Variants in IL17A observed in about 807,000 individuals in gnomAD.
The protein encoded by IL17A is interleukin-17A.
A neutral mutation model predicts 7.2 loss-of-function variants in IL17A; 1 was observed. The observed-to-expected ratio is 0.14, with a 90% CI of 0.05 to 0.66. The LOEUF is 0.66. IL17A is among the 30% of genes least tolerant of loss of function. IL17A has a pLI of 0.84. For synonymous variants in IL17A, 90 were observed against 77.7 expected (o/e 1.16, Z -0.83); for missense variants, 191 against 197.1 (o/e 0.97, Z 0.18).
chr6:52,187,083 C>T (rs114614261), intron 1 of IL17A, among the ~76,000 whole-genome samples: 2,457 of 152,204 alleles, frequency 0.016, 58 homozygotes, highest in African/African-American at 0.056. Flanking sequence ...TAGTTGGATG[C>T]CTGCCAGTAG....
chr6:52,186,502 A>AG, intron 1 of IL17A, 44 bp downstream of exon 1: 1 of 1,604,970 alleles, frequency 6.2e-7, no homozygotes, highest in Non-Finnish European at 8.5e-7. Context: ...GATTTGGACC[A>AG]GATAGTATTT....
chr6:52,186,676 G>GCTAT (rs1231794714), intron 1 of IL17A, among the ~76,000 whole-genome samples: 1 of 152,230 alleles, frequency 6.6e-6, no homozygotes, highest in Non-Finnish European at 1.5e-5. Context: ...CTGAAAGATA[G>GCTAT]CTATATTGGG....
chr6:52,189,571 C>T lies in IL17A; in HGVS notation c.*279C>T, dbSNP rs1054314888. The T allele has an allele frequency of 9.7e-6, 3 of 310,250 alleles. No individual in the cohort carries two copies. Among genetic ancestry groups the T allele is most frequent in the East Asian group, 5.7e-5 (1 of 17,628 alleles). The allele number at this position is 310,250 out of a possible 1,614,324, so 19.2% of individuals were successfully genotyped here. ...TTAAGTTATTTATGTATTTAATATG[C>T]CCTGAGATAACTTTGGGGTATAAGA... On this transcript the variant is annotated 3_prime_UTR_variant, in exon 3 of 3. Coordinates refer to ENST00000648244, the MANE Select transcript of IL17A (RefSeq NM_002190.3).
At chr6:52,187,171 C>T (rs1234813033) in intron 1 of IL17A, among the ~76,000 whole-genome samples, 1 of 152,172 alleles carries the variant, frequency 6.6e-6, no homozygotes, top group East Asian at 1.9e-4. Flanking sequence ...GAATGTTTGA[C>T]TTCACGATGA....
chr6:52,187,504 C>A, intron 1 of IL17A, 99 bp from the exon 2 acceptor site: 1 of 944,372 alleles, frequency 1.1e-6, no homozygotes. Flanking sequence ...TGTGTGTTCT[C>A]TATGATTAGC....
Position 52,189,905 on chromosome 6 carries a change from CA to C in IL17A, c.*614del, listed in dbSNP as rs1763349138. The C allele has an allele frequency of 6.6e-6, 1 of 152,124 alleles. No homozygotes were observed. The highest frequency in any genetic ancestry group is 1.5e-5 in the Non-Finnish European group (1 of 68,012). The allele number at this position is 152,124 out of a possible 1,614,324, so 9.4% of individuals were successfully genotyped here. A position where few individuals can be genotyped will look rare whatever the true frequency, so the allele number is the denominator to read the frequency against. On this transcript the variant is annotated 3_prime_UTR_variant, in exon 3 of 3. Transcript: ENST00000648244. Reference sequence around the variant, plus strand: ...TGAAAAGAAAGATTAAACCTACTTTCATATGTATTAATTTAAATTTTGCAAT... The same window carrying C: ...TGAAAAGAAAGATTAAACCTACTTTCTATGTATTAATTTAAATTTTGCAAT...
intron 1 of IL17A, among the ~76,000 whole-genome samples, chr6:52,187,217 G>A (rs979095463): frequency 1.3e-5 from 2 of 152,166 alleles, no homozygotes; most frequent in East Asian, 1.9e-4. Flanking sequence ...CAATGGTGCA[G>A]GAGGATATTT....
rs527428699 is a variant in IL17A, at chr6:52,187,393, T to A, written c.28-210T>A. On this transcript the variant is annotated intron_variant, in intron 1 of 2. Coordinates refer to ENST00000648244, the MANE Select transcript of IL17A (RefSeq NM_002190.3). Reference sequence around the variant, plus strand: ...AGGAGAATGTTGAAACTAGTTTTTTTAAAAAAATTTTAAAGCCATGGTGTT... The same window carrying A: ...AGGAGAATGTTGAAACTAGTTTTTTAAAAAAAATTTTAAAGCCATGGTGTT... 1.5e-4 allele frequency among the ~76,000 whole-genome samples: 23 copies of A among 152,256 alleles called. No homozygotes were observed. The East Asian group carries it at 1.5e-3, about 10-fold the overall frequency.
In IL17A at chr6:52,189,098, G is replaced by T. The variant is rs763243057; in HGVS notation, c.274G>T (p.Ala92Ser). The change falls in exon 3 of 3, where the codon GCA becomes TCA. Residue 92 changes from alanine to serine, a missense_variant. Physicochemically the swap from Ala to Ser is moderately conservative, Grantham distance 99. Coordinates refer to ENST00000648244, the MANE Select transcript of IL17A (RefSeq NM_002190.3). ...GAGATATCCCTCTGTGATCTGGGAGGCAAAGTGCCGCCACTTGGGCTGCAT... is the reference window on the plus strand; with the variant it reads ...GAGATATCCCTCTGTGATCTGGGAGTCAAAGTGCCGCCACTTGGGCTGCAT... ...PERYPSVIWEAKCRHLGCINA... is the reference protein window; with the variant it reads ...PERYPSVIWESKCRHLGCINA... 3.7e-5 allele frequency: 60 copies of T among 1,613,960 alleles called. No homozygotes were observed. The East Asian group carries it at 1.3e-3, about 35-fold the overall frequency.
Position 52,187,763 on chromosome 6 carries a change from C to A in IL17A, c.188C>A (p.Ser63Tyr), listed in dbSNP as rs2128261625. 1 of 1,614,108 alleles carries A rather than the reference C, an allele frequency of 6.2e-7. No individual in the cohort carries two copies. ...AATACCAATACCAATCCCAAAAGGT[C>A]CTCAGATTACTACAACCGATCCACC... ...NRNTNTNPKRSSDYYNRSTSP... is the reference protein window; with the variant it reads ...NRNTNTNPKRYSDYYNRSTSP... The change falls in exon 2 of 3, where the codon TCC (serine) becomes TAC (tyrosine). Residue 63 changes from serine (S) to tyrosine (Y), a missense_variant. Ser to Tyr is a moderately radical substitution (Grantham distance 144). Transcript: ENST00000648244.
chr6:52,187,671 A>C lies in IL17A; in HGVS notation c.96A>C (p.Gly32=). ...KAGITIPRNP[G]CPNSEDKNFP... ...GAATCACAATCCCACGAAATCCAGG[A>C]TGCCCAAATTCTGAGGACAAGAACT... The change falls in exon 2 of 3, where the codon GGA becomes GGC. Residue 32 remains glycine, a synonymous_variant. Coordinates refer to ENST00000648244, the MANE Select transcript of IL17A (RefSeq NM_002190.3). The C allele has an allele frequency of 6.2e-7, 1 of 1,614,164 alleles. No homozygotes were observed. The highest frequency in any genetic ancestry group is 1.7e-4 in the Middle Eastern group (1 of 6,060).
rs551793289 is a variant in IL17A at position 52,189,262 on chromosome 6, T to C, written c.438T>C (p.Cys146=). The C allele has an allele frequency of 6.2e-7, 1 of 1,614,108 alleles. No homozygotes were observed. Among genetic ancestry groups the C allele is most frequent in the South Asian group, 1.1e-5 (1 of 91,086 alleles). ...TACTGGTGTCCGTGGGCTGCACCTG[T>C]GTCACCCCGATTGTCCACCATGTGG... is the stretch of plus-strand genomic sequence containing the variant. The part of the protein sequence containing the change: ...EKILVSVGCT[C]VTPIVHHVA Residue 146 remains cysteine (C), a synonymous_variant, in exon 3 of 3, where the codon TGT becomes TGC. Transcript: ENST00000648244.
rs753018291 is a variant in IL17A at position 52,187,707 on chromosome 6, T to G, written c.132T>G (p.Thr44=). Residue 44 remains threonine, a synonymous_variant, in exon 2 of 3, where the codon ACT becomes ACG. Transcript: ENST00000648244. ...PNSEDKNFPR[T]VMVNLNIHNR... is the part of the protein sequence containing the mutation. ...CTGAGGACAAGAACTTCCCCCGGAC[T>G]GTGATGGTCAACCTGAACATCCATA... The G allele has an allele frequency of 1.2e-6, 2 of 1,613,998 alleles. No individual in the cohort carries two copies. The highest frequency in any genetic ancestry group is 1.1e-5 in the South Asian group (1 of 91,082).
In IL17A at chr6:52,190,387, T is replaced by G. The variant is rs1763358109; in HGVS notation, c.*1095T>G. 1 of 152,096 alleles carries G rather than the reference T, an allele frequency of 6.6e-6. No homozygotes were observed. Among genetic ancestry groups the G allele is most frequent in the South Asian group, 2.1e-4 (1 of 4,816 alleles). 9.4% of individuals were successfully genotyped at this position (152,096 alleles called of 1,614,324 possible). A position where few individuals can be genotyped will look rare whatever the true frequency, so the allele number is the denominator to read the frequency against. ...TGTCTTCAGACTACAATGTCCAGTT[T>G]CTCCCCTAGACTCAGGCTTCCTTTG... On this transcript the variant is annotated 3_prime_UTR_variant, in exon 3 of 3. Coordinates refer to ENST00000648244, the MANE Select transcript of IL17A (RefSeq NM_002190.3).
rs1372362938 is a variant in IL17A at position 52,189,581 on chromosome 6, AC to A, written c.*290del. 8 of 282,292 alleles carry A rather than the reference AC, an allele frequency of 2.8e-5. No homozygotes were observed. Among genetic ancestry groups the A allele is most frequent in the Admixed American group, 1.5e-4 (3 of 20,080 alleles). 17.5% of individuals were successfully genotyped at this position (282,292 alleles called of 1,614,324 possible). On this transcript the variant is annotated 3_prime_UTR_variant, in exon 3 of 3. Coordinates refer to ENST00000648244, the MANE Select transcript of IL17A (RefSeq NM_002190.3). ...TATGTATTTAATATGCCCTGAGATA[AC>A]TTTGGGGTATAAGATTCCATTTTAA...
At chr6:52,188,660 C>T (rs1274534659) in intron 2 of IL17A, among the ~76,000 whole-genome samples, 1 of 152,154 alleles carries the variant, frequency 6.6e-6, no homozygotes, top group Non-Finnish European at 1.5e-5. Context: ...CAAAGACAGA[C>T]TTCATCAAGT....
chr6:52,188,948 T>A, intron 2 of IL17A, 107 bp from the exon 3 acceptor site: 1 of 798,896 alleles, frequency 1.3e-6, no homozygotes, highest in Non-Finnish European at 2.0e-6. Flanking sequence ...TTGCAATGCC[T>A]ATAATTTGTC....
At chr6:52,187,055 T>A (rs1582237236) in intron 1 of IL17A, among the ~76,000 whole-genome samples, 1 of 152,162 alleles carries the variant, frequency 6.6e-6, no homozygotes, top group Admixed American at 6.5e-5. Flanking sequence ...TAAGAAAACA[T>A]GAAGGAGATC....
chr6:52,188,100 A>T (rs1428317208), intron 2 of IL17A, among the ~76,000 whole-genome samples: 1 of 152,238 alleles, frequency 6.6e-6, no homozygotes, highest in Non-Finnish European at 1.5e-5. Context: ...TTCTTTATTT[A>T]TTCAAAGAAT....
Sources: allele counts gnomAD v4.1 joint callset (sites outside exome capture counted in the v4.1 genomes callset), GRCh38; gene constraint gnomAD v4.1.1; transcripts MANE v1.5; gene names NCBI Gene and HGNC (gene_info 2026-07-23, HGNC 2026-07-21).